Variants in CCDC30 observed in about 807,000 individuals in gnomAD.
The protein encoded by CCDC30 is coiled-coil domain-containing protein 30.
A neutral mutation model predicts 100.2 loss-of-function variants in CCDC30; 70 were observed. The observed-to-expected ratio is 0.70, with a 90% CI of 0.58 to 0.85. The LOEUF (loss-of-function observed/expected upper bound fraction) is 0.85, where lower values mean the gene tolerates loss of function less well. CCDC30 is among the 40% of genes least tolerant of loss of function. The pLI, the probability that CCDC30 is intolerant of heterozygous loss-of-function variation, is 0.00. For synonymous variants in CCDC30, 233 were observed against 269.5 expected (o/e 0.86, Z 1.33); for missense variants, 652 against 771.2 (o/e 0.85, Z 1.83).
chr1:42,546,399 A>AATGTAT (rs1645138582), intron 6 of CCDC30, among the ~76,000 whole-genome samples: 2 of 11,970 alleles, frequency 1.7e-4, no homozygotes, highest in African/African-American at 4.1e-4. Flanking sequence ...AAAAAAAAAA[A>AATGTAT]ATATATATAT....
downstream of CCDC30, among the ~76,000 whole-genome samples, chr1:42,656,851 T>C (rs1648681294): frequency 6.6e-6 from 1 of 152,156 alleles, no homozygotes; most frequent in South Asian, 2.1e-4. Flanking sequence ...GCTATCATCA[T>C]TTATTTTCAC....
intron 1 of CCDC30, among the ~76,000 whole-genome samples, chr1:42,470,343 T>C (rs1643729001): frequency 6.6e-6 from 1 of 152,056 alleles, no homozygotes; most frequent in South Asian, 2.1e-4. Context: ...TGTGAAGATA[T>C]TAAGACCTGC....
At chr1:42,610,634 A>C (rs1646600423) in intron 10 of CCDC30, among the ~76,000 whole-genome samples, 1 of 152,142 alleles carries the variant, frequency 6.6e-6, no homozygotes, top group Admixed American at 6.6e-5. Context: ...CATATTGCCC[A>C]GCCTGGTCTC....
chr1:42,527,487 A>T (rs1447616044), intron 6 of CCDC30, among the ~76,000 whole-genome samples: 1 of 152,240 alleles, frequency 6.6e-6, no homozygotes, highest in East Asian at 1.9e-4. Flanking sequence ...TCAGCAAAGA[A>T]TGAAGGCATA....
exon 1 of CCDC30, chr1:42,463,658 G>A (rs1420027436): frequency 6.6e-6 from 1 of 152,182 alleles, no homozygotes; most frequent in Non-Finnish European, 1.5e-5. Flanking sequence ...CCTCAGCGAG[G>A]TAGGTCGGCG....
chr1:42,583,126 A>G lies in CCDC30; in HGVS notation c.1001+1612A>G, dbSNP rs1403125342. 3.3e-5 allele frequency among the ~76,000 whole-genome samples: 5 copies of G among 152,192 alleles called. No homozygotes were observed. In the East Asian group the frequency reaches 9.6e-4, roughly 29 times the overall value. ...TCTGCCACTGTGGCCCTCATCTTCA[A>G]CATCATCTCATCCCTTCTTAAAATG... On this transcript the variant is annotated intron_variant, in intron 9 of 16. Transcript: ENST00000668663.
chr1:42,496,039 T>G (rs1249524677), intron 4 of CCDC30, among the ~76,000 whole-genome samples: 1 of 152,042 alleles, frequency 6.6e-6, no homozygotes, highest in Non-Finnish European at 1.5e-5. Flanking sequence ...ATGAATAGAT[T>G]TCTGTGATAT....
intron 9 of CCDC30, among the ~76,000 whole-genome samples, chr1:42,584,236 CA>C (rs1646024346): frequency 6.6e-6 from 1 of 152,132 alleles, no homozygotes; most frequent in Non-Finnish European, 1.5e-5. Flanking sequence ...CTAGACAAGT[CA>C]AAATGTTACA....
chr1:42,479,037 C>T (rs1293486030), intron 1 of CCDC30, among the ~76,000 whole-genome samples: 1 of 152,168 alleles, frequency 6.6e-6, no homozygotes, highest in African/African-American at 2.4e-5. Context: ...AGCACTAACA[C>T]TTCCTGATTT....
At chr1:42,582,180 T>A (rs879402089) in intron 9 of CCDC30, among the ~76,000 whole-genome samples, 4 of 151,818 alleles carry the variant, frequency 2.6e-5, no homozygotes, top group Non-Finnish European at 5.9e-5. Context: ...CAGTAAGCCA[T>A]GATTGAAACA....
chr1:42,539,742 G>A (rs990550102), intron 6 of CCDC30, among the ~76,000 whole-genome samples: 1 of 152,118 alleles, frequency 6.6e-6, no homozygotes, highest in Non-Finnish European at 1.5e-5. Flanking sequence ...ATTGGGCTTA[G>A]AATTAGGAAA....
chr1:42,545,474 C>T, intron 6 of CCDC30: 1 of 1,602,832 alleles, frequency 6.2e-7, no homozygotes, highest in Non-Finnish European at 8.5e-7. Context: ...AAAACTGCAC[C>T]TTCTAATTTA....
At chr1:42,602,250 T>A in intron 10 of CCDC30, among the ~76,000 whole-genome samples, 1 of 151,008 alleles carries the variant, frequency 6.6e-6, no homozygotes, top group African/African-American at 2.4e-5. Flanking sequence ...ACAGGAGAAA[T>A]CAATGAAATT....
At chr1:42,489,577 G>A (rs768328483) in intron 3 of CCDC30, among the ~76,000 whole-genome samples, 9 of 152,100 alleles carry the variant, frequency 5.9e-5, no homozygotes, top group Non-Finnish European at 1.3e-4. Flanking sequence ...TAATATAGGC[G>A]ATCCACTAGC....
chr1:42,561,168 G>A (rs1014675814), intron 6 of CCDC30, among the ~76,000 whole-genome samples: 1 of 152,140 alleles, frequency 6.6e-6, no homozygotes, highest in Non-Finnish European at 1.5e-5. Flanking sequence ...GAAAACTTCA[G>A]GCCAATATCC....
At chr1:42,618,313 C>A (rs374237082) in intron 11 of CCDC30, among the ~76,000 whole-genome samples, 1 of 149,364 alleles carries the variant, frequency 6.7e-6, no homozygotes, top group African/African-American at 2.5e-5. Flanking sequence ...CTCAGCTCAC[C>A]GCAACCTCCG....
intron 11 of CCDC30, among the ~76,000 whole-genome samples, chr1:42,634,272 A>C (rs865869142): frequency 6.7e-6 from 1 of 148,484 alleles, no homozygotes; most frequent in Non-Finnish European, 1.5e-5. Flanking sequence ...AAAAAAAAAA[A>C]AACAAAACAT....
intron 10 of CCDC30, among the ~76,000 whole-genome samples, chr1:42,608,015 C>G (rs371574473): frequency 2.0e-5 from 3 of 152,290 alleles, no homozygotes; most frequent in Admixed American, 6.5e-5. Flanking sequence ...GTAATCCAGC[C>G]TCTAGACCAG....
At chr1:42,655,505 C>A (rs893192670), downstream of CCDC30, among the ~76,000 whole-genome samples, 1 of 152,054 alleles carries the variant, frequency 6.6e-6, no homozygotes, top group African/African-American at 2.4e-5. Context: ...CGAGACTGCA[C>A]CAGTGCACTC....
Sources: allele counts gnomAD v4.1 joint callset (sites outside exome capture counted in the v4.1 genomes callset), GRCh38; gene constraint gnomAD v4.1.1; transcripts MANE v1.5; gene names NCBI Gene and HGNC (gene_info 2026-07-23, HGNC 2026-07-21).